The following CCDC171 variants were observed in gnomAD, a reference collection of about 807,000 sequenced individuals.
CCDC171 encodes coiled-coil domain containing 171.
A neutral mutation model predicts 168.2 loss-of-function variants in CCDC171; 177 were observed. That is an observed-to-expected ratio of 1.05 (90% CI 0.93 to 1.19). CCDC171 has a LOEUF of 1.19. Ranked by LOEUF, CCDC171 falls within the 50% of genes most tolerant of loss-of-function variation. The pLI is 0.00. For missense variants in CCDC171, 1,991 were observed against 1,539.0 expected (o/e 1.29, Z -4.91); for synonymous variants, 687 against 540.8 (o/e 1.27, Z -3.75).
rs553156354 is a variant in CCDC171, at chr9:15,749,627, A to C, written c.2671+3996A>C. Among the ~76,000 whole-genome samples the C allele has an allele frequency of 2.6e-3, 402 of 152,348 alleles. 2 individuals are homozygous for C. Among genetic ancestry groups the C allele is most frequent in the African/African-American group, 9.1e-3 (378 of 41,582 alleles). ...CAGAAATCACAACAAACTGTCTCTCAGACCACACTGCAATCAAACTAGAAC... is the reference window on the plus strand; with the variant it reads ...CAGAAATCACAACAAACTGTCTCTCCGACCACACTGCAATCAAACTAGAAC... On this transcript the variant is annotated intron_variant, in intron 18 of 25. Coordinates refer to ENST00000380701, the MANE Select transcript of CCDC171 (RefSeq NM_173550.4).
At chr9:16,031,188 TC>T (rs1342775623) in intron 6 of CCDC171, among the ~76,000 whole-genome samples, 1 of 152,214 alleles carries the variant, frequency 6.6e-6, no homozygotes, top group Non-Finnish European at 1.5e-5. Context: ...AATAGGTTTT[TC>T]AGCCTGCATT....
intron 3 of CCDC171, among the ~76,000 whole-genome samples, chr9:15,993,908 A>G (rs1393697036): frequency 6.6e-6 from 1 of 152,226 alleles, no homozygotes; most frequent in Non-Finnish European, 1.5e-5. Flanking sequence ...CACCAGTTAG[A>G]ATGGTGATCA....
At chr9:15,752,070 AC>A (rs1315822171) in intron 18 of CCDC171, among the ~76,000 whole-genome samples, 4 of 152,236 alleles carry the variant, frequency 2.6e-5, no homozygotes, top group Admixed American at 1.3e-4. Context: ...CAAGAAAAAA[AC>A]AACCCCATCA....
chr9:16,102,413 G>T, the CCDC171 span, among the ~76,000 whole-genome samples: 1 of 145,736 alleles, frequency 6.9e-6, no homozygotes, highest in Non-Finnish European at 1.5e-5. Context: ...AAGTAAACAG[G>T]TCATCTCAGC....
At position 15,818,419 on chromosome 9, in the gene CCDC171, C is replaced by T. The variant is rs144564154; in HGVS notation, c.3268-28283C>T. On this transcript the variant is annotated intron_variant, in intron 21 of 25. Coordinates refer to ENST00000380701, the MANE Select transcript of CCDC171 (RefSeq NM_173550.4). ...TCCGAGCTAAAGGAGGAAGTTCGAA[C>T]GAATGGCAAAGAAGTTAAAAACCTT... Among the ~76,000 whole-genome samples the T allele has an allele frequency of 2.9e-3, 343 of 116,434 alleles. 98 individuals carry two copies. The highest frequency in any genetic ancestry group is 0.01 in the African/African-American group (321 of 30,898). The allele number at this position is 116,434 out of a possible 152,430, so 76.4% of individuals were successfully genotyped here.
At chr9:15,775,229 C>G (rs771763711) in intron 18 of CCDC171, among the ~76,000 whole-genome samples, 3 of 152,194 alleles carry the variant, frequency 2.0e-5, no homozygotes, top group Non-Finnish European at 4.4e-5. Flanking sequence ...GAACTTAGAG[C>G]ATATGACTTT....
chr9:15,636,771 A>G (rs914612047), intron 7 of CCDC171, among the ~76,000 whole-genome samples: 2 of 133,456 alleles, frequency 1.5e-5, no homozygotes, highest in African/African-American at 2.7e-5. Flanking sequence ...AAAAAAAAAA[A>G]GGTTTAGGAT....
chr9:15,659,752 G>A (rs1280011768), intron 8 of CCDC171, among the ~76,000 whole-genome samples: 1 of 152,152 alleles, frequency 6.6e-6, no homozygotes, highest in Non-Finnish European at 1.5e-5. Flanking sequence ...TGGTGGGATT[G>A]CCAAAATCAG....
chr9:15,771,323 G>A (rs1163491041), intron 18 of CCDC171, among the ~76,000 whole-genome samples: 1 of 151,928 alleles, frequency 6.6e-6, no homozygotes, highest in Non-Finnish European at 1.5e-5. Context: ...TGACCGTTCT[G>A]GTTTTCTCAT....
At position 15,819,499 on chromosome 9, in the gene CCDC171, A is replaced by G. The variant is rs139969167; in HGVS notation, c.3268-27203A>G. Among the ~76,000 whole-genome samples, 38 of 117,536 alleles carry G rather than the reference A, an allele frequency of 3.2e-4. 13 individuals are homozygous for G. Among genetic ancestry groups the G allele is most frequent in the African/African-American group, 1.1e-3 (34 of 31,258 alleles). 77.1% of individuals were successfully genotyped at this position (117,536 alleles called of 152,430 possible). On this transcript the variant is annotated intron_variant, in intron 21 of 25. Transcript: ENST00000380701. ...AAAATAAAGGGATGGAGGAAGATCT[A>G]CCAAGCAAATGGAAAACAAAAATAG...
At chr9:15,686,299 C>T (rs1305920690) in intron 10 of CCDC171, among the ~76,000 whole-genome samples, 5 of 152,126 alleles carry the variant, frequency 3.3e-5, no homozygotes, top group Non-Finnish European at 7.4e-5. Context: ...GACCCTATCT[C>T]ATTTTAGTTG....
chr9:15,957,454 T>A (rs755464745), intron 25 of CCDC171, among the ~76,000 whole-genome samples: 5 of 152,164 alleles, frequency 3.3e-5, no homozygotes, highest in African/African-American at 1.2e-4. Context: ...CCAAGCACCT[T>A]AAAAGATTTT....
chr9:16,060,596 C>G (rs552542795), intron 1 of CCDC171: 1 of 152,258 alleles, frequency 6.6e-6, no homozygotes, highest in East Asian at 1.9e-4. Flanking sequence ...CTGTGTCAGC[C>G]CCATTGATTG....
chr9:16,008,721 C>G (rs1832777413), intron 3 of CCDC171, among the ~76,000 whole-genome samples: 1 of 152,154 alleles, frequency 6.6e-6, no homozygotes, highest in Non-Finnish European at 1.5e-5. Flanking sequence ...CAGAGCACAG[C>G]TAAGACTATA....
chr9:15,745,471 TAAAGTTTTGTAGAA>T, intron 17 of CCDC171, 30 bp from the exon 18 acceptor site: 1 of 1,236,086 alleles, frequency 8.1e-7, no homozygotes, highest in Non-Finnish European at 1.1e-6. Flanking sequence ...TAGATTTTAA[TAAAGTTTTGTAGAA>T]TTTTACAATG....
At chr9:15,835,607 A>C (rs2060409490) in intron 21 of CCDC171, among the ~76,000 whole-genome samples, 1 of 151,990 alleles carries the variant, frequency 6.6e-6, no homozygotes. Flanking sequence ...TTGTATTTTT[A>C]GTAGAGACAG....
chr9:15,809,322 G>A (rs2059224449), intron 21 of CCDC171, among the ~76,000 whole-genome samples: 1 of 152,142 alleles, frequency 6.6e-6, no homozygotes, highest in Non-Finnish European at 1.5e-5. Context: ...GCCACGTGTG[G>A]CTATTGAAAT....
At chr9:15,952,809 C>G (rs1387837700) in intron 25 of CCDC171, among the ~76,000 whole-genome samples, 1 of 152,104 alleles carries the variant, frequency 6.6e-6, no homozygotes, top group Non-Finnish European at 1.5e-5. Flanking sequence ...TCTTCTAATC[C>G]ATTAACATGA....
At chr9:16,014,396 C>G (rs1832956541) in intron 3 of CCDC171, among the ~76,000 whole-genome samples, 2 of 152,182 alleles carry the variant, frequency 1.3e-5, no homozygotes, top group Non-Finnish European at 2.9e-5. Context: ...TTGAACCCCT[C>G]AAAGTCATGC....
Sources: gnomAD v4.1 joint callset for allele counts (sites outside exome capture counted in the v4.1 genomes callset) on GRCh38, gnomAD v4.1.1 for gene constraint, MANE v1.5 for transcripts, NCBI Gene and HGNC (gene_info 2026-07-23, HGNC 2026-07-21) for gene names.